The following GPR89B variants were observed in gnomAD, a reference collection of about 807,000 sequenced individuals.
GPR89B encodes golgi pH regulator B, also known as G protein-coupled receptor 89B.
Under a neutral mutation model 52.4 loss-of-function variants are expected in GPR89B, and 25 were observed. That is an observed-to-expected ratio of 0.48 (90% confidence interval 0.35 to 0.67). The LOEUF (loss-of-function observed/expected upper bound fraction) is 0.67. GPR89B is among the 30% of genes least tolerant of loss of function. GPR89B has a pLI of 0.01. For synonymous variants in GPR89B, 52 were observed against 151.2 expected, an observed-to-expected ratio of 0.34 and a Z score of 4.81; for missense variants, 146 against 450.2, an observed-to-expected ratio of 0.32 and a Z score of 6.11.
chr1:147,990,974 A>G (rs1294156400), intron 12 of GPR89B, among the ~76,000 whole-genome samples: 1 of 151,706 alleles, frequency 6.6e-6, no homozygotes, highest in African/African-American at 2.4e-5. Flanking sequence ...GTTTTTTCCA[A>G]TTCTGTGAAG....
At chr1:147,951,529 G>A (rs1433334216) in intron 5 of GPR89B, among the ~76,000 whole-genome samples, 3 of 151,826 alleles carry the variant, frequency 2.0e-5, no homozygotes, top group East Asian at 3.9e-4. Flanking sequence ...ACGTAAACTC[G>A]AAGCCAAGAA....
chr1:147,939,745 C>T (rs1654385052), intron 3 of GPR89B, among the ~76,000 whole-genome samples: 1 of 152,236 alleles, frequency 6.6e-6, no homozygotes, highest in Middle Eastern at 3.4e-3. Context: ...CGCCTATAAT[C>T]CTAGCACTTT....
the GPR89B span, among the ~76,000 whole-genome samples, chr1:147,998,988 T>G: frequency 6.6e-6 from 1 of 151,794 alleles, no homozygotes; most frequent in Non-Finnish European, 1.5e-5. Flanking sequence ...CTCACTGATG[T>G]ATCTCAAAGA....
At chr1:147,970,432 C>T (rs1372946931) in intron 10 of GPR89B, among the ~76,000 whole-genome samples, 1 of 150,308 alleles carries the variant, frequency 6.7e-6, no homozygotes, top group African/African-American at 2.4e-5. Context: ...GAGAGGCGGA[C>T]GTTGCAGTGA....
chr1:147,969,413 A>T (rs1409594995), intron 9 of GPR89B: 7,510 of 205,722 alleles, frequency 0.037, 257 homozygotes, highest in African/African-American at 0.073. Flanking sequence ...AATAAAATAT[A>T]ATTTAAATGT....
At chr1:148,003,206 T>G in the GPR89B span, among the ~76,000 whole-genome samples, 1 of 152,176 alleles carries the variant, frequency 6.6e-6, no homozygotes, top group Non-Finnish European at 1.5e-5. Context: ...TAACAACTTA[T>G]GGGCGAATAG....
the GPR89B span, among the ~76,000 whole-genome samples, chr1:148,019,091 C>T: frequency 6.6e-6 from 1 of 151,774 alleles, no homozygotes; most frequent in Non-Finnish European, 1.5e-5. Context: ...ATTCTTCTGC[C>T]TCAGCCTCCC....
At chr1:147,945,565 A>G (rs587682144) in intron 5 of GPR89B, among the ~76,000 whole-genome samples, 2 of 152,312 alleles carry the variant, frequency 1.3e-5, no homozygotes, top group South Asian at 4.1e-4. Flanking sequence ...AATAAGAATA[A>G]CTTTCAAAAT....
chr1:147,955,087 A>G (rs1479238873), intron 7 of GPR89B, among the ~76,000 whole-genome samples: 1 of 151,978 alleles, frequency 6.6e-6, no homozygotes, highest in Non-Finnish European at 1.5e-5. Flanking sequence ...GCCTCTGGTA[A>G]CCATCATTCT....
At chr1:148,004,297 C>T in the GPR89B span, among the ~76,000 whole-genome samples, 1 of 151,646 alleles carries the variant, frequency 6.6e-6, no homozygotes. Flanking sequence ...CCTGGGACTA[C>T]AGGCGCCCGC....
intron 7 of GPR89B, among the ~76,000 whole-genome samples, chr1:147,962,339 G>A (rs1360342314): frequency 6.6e-6 from 1 of 151,124 alleles, no homozygotes; most frequent in Non-Finnish European, 1.5e-5. Flanking sequence ...CAGAAGAATT[G>A]CTTGAATCCA....
chr1:148,021,511 G>C, the GPR89B span, among the ~76,000 whole-genome samples: 19 of 151,664 alleles, frequency 1.3e-4, no homozygotes, highest in East Asian at 3.7e-3. Context: ...AAGGAGAGAA[G>C]CTGTGGGGTG....
At chr1:147,940,119 C>A in intron 3 of GPR89B, among the ~76,000 whole-genome samples, 1 of 151,514 alleles carries the variant, frequency 6.6e-6, no homozygotes, top group Non-Finnish European at 1.5e-5. Context: ...TAATCCAAAC[C>A]TTGGCCGGGC....
intron 10 of GPR89B, among the ~76,000 whole-genome samples, chr1:147,971,992 C>A (rs1657508445): frequency 1.3e-5 from 2 of 151,924 alleles, no homozygotes; most frequent in African/African-American, 4.9e-5. Flanking sequence ...CACCTCTAGT[C>A]CCCAGACGAC....
chr1:148,013,925 C>T, the GPR89B span, among the ~76,000 whole-genome samples: 1 of 151,702 alleles, frequency 6.6e-6, no homozygotes, highest in South Asian at 2.1e-4. Context: ...GGAGAGGGCG[C>T]GCGGGACCCA....
intron 10 of GPR89B, among the ~76,000 whole-genome samples, chr1:147,977,206 C>T (rs1435461393): frequency 8.0e-6 from 1 of 124,354 alleles, no homozygotes; most frequent in African/African-American, 3.2e-5. Context: ...TGCACTCCAG[C>T]CTGGGTGACA....
chr1:147,938,020 G>A (rs1167328087), intron 2 of GPR89B, among the ~76,000 whole-genome samples: 1 of 152,016 alleles, frequency 6.6e-6, no homozygotes, highest in Non-Finnish European at 1.5e-5. Context: ...ATTAATTTTG[G>A]GAACTAATAA....
chr1:148,013,317 C>A, the GPR89B span, among the ~76,000 whole-genome samples: 2 of 152,130 alleles, frequency 1.3e-5, no homozygotes, highest in Non-Finnish European at 2.9e-5. Context: ...AGCCTCCCTG[C>A]GACCGCAGGC....
chr1:147,983,263 G>A (rs1270741147), intron 10 of GPR89B, among the ~76,000 whole-genome samples: 1 of 152,134 alleles, frequency 6.6e-6, no homozygotes, highest in Non-Finnish European at 1.5e-5. Flanking sequence ...ATAGGCATGG[G>A]CAAGGACTTC....
Sources: gnomAD v4.1 joint callset for allele counts (sites outside exome capture counted in the v4.1 genomes callset) on GRCh38, gnomAD v4.1.1 for gene constraint, MANE v1.5 for transcripts, NCBI Gene and HGNC (gene_info 2026-07-23, HGNC 2026-07-21) for gene names.